The following PRDM2 variants were observed in gnomAD, a reference collection of about 807,000 sequenced individuals.
PRDM2 encodes the protein PR/SET domain 2.
PRDM2 carries 30 observed loss-of-function variants against 130.0 expected under a neutral mutation model. The observed-to-expected ratio is 0.23, with a 90% CI of 0.17 to 0.31. PRDM2 has a LOEUF of 0.31. Among genes scored for constraint, PRDM2 ranks in the 10% least tolerant of loss-of-function variants. The pLI is 1.00. For missense variants in PRDM2, 2,011 were observed against 2,108.4 expected, an observed-to-expected ratio of 0.95 and a Z score of 0.90; for synonymous variants, 871 against 782.4, an observed-to-expected ratio of 1.11 and a Z score of -1.89.
In PRDM2 at chr1:13,741,778, C is replaced by T. The variant is rs141707452; in HGVS notation, c.232-227C>T. ...TGTGTGTGTGTGTAGGGGTGGGGGG[C>T]GCGGGGCAAACAAACCTAAATAGAA... On this transcript the variant is annotated intron_variant, in intron 4 of 9. Transcript: ENST00000311066. Among the ~76,000 whole-genome samples the T allele has an allele frequency of 2.2e-3, 236 of 109,542 alleles. 5 individuals are homozygous for T. The South Asian group carries it at 0.046, about 21-fold the overall frequency. The allele number at this position is 109,542 out of a possible 152,430, so 71.9% of individuals were successfully genotyped here.
chr1:13,734,018 C>T (rs886177057), intron 4 of PRDM2, among the ~76,000 whole-genome samples: 1 of 152,190 alleles, frequency 6.6e-6, no homozygotes, highest in African/African-American at 2.4e-5. Flanking sequence ...ATGCTCTAAG[C>T]TGTTTCCCAA....
intron 5 of PRDM2, among the ~76,000 whole-genome samples, chr1:13,746,711 C>T (rs1272577287): frequency 6.6e-6 from 1 of 152,080 alleles, no homozygotes; most frequent in East Asian, 1.9e-4. Context: ...CACACACCAC[C>T]ATGCCTTGCT....
Position 13,802,197 on chromosome 1 carries a change from C to T in PRDM2, c.5037-14230C>T, listed in dbSNP as rs373852473. Among the ~76,000 whole-genome samples, 8 of 152,290 alleles carry T rather than the reference C, an allele frequency of 5.3e-5. No homozygotes were observed. In the South Asian group the frequency reaches 1.0e-3, roughly 20 times the overall value. On this transcript the variant is annotated intron_variant, in intron 8 of 9. Coordinates refer to ENST00000311066, the MANE Select transcript of PRDM2 (RefSeq NM_001393986.1). ...CATGGTGCCCTTGGCCTTTGGGCAG[C>T]GTCATCCCCGTGTTGAACAACACCC...
chr1:13,786,754 CA>C (rs1437977775), intron 8 of PRDM2: 1 of 1,389,768 alleles, frequency 7.2e-7, no homozygotes, highest in Non-Finnish European at 9.3e-7. Flanking sequence ...GATTGAGATC[CA>C]AAGAGAAGGG....
Position 13,779,899 on chromosome 1 carries a change from A to ACTC in PRDM2, c.2107_2109dup (p.Pro703dup), listed in dbSNP as rs2308040. The ACTC allele has an allele frequency of 0.44, 703,694 of 1,613,268 alleles. 157,575 individuals carry two copies. Among genetic ancestry groups the ACTC allele is most frequent in the Admixed American group, 0.64 (38,378 of 59,964 alleles). On this transcript the variant is annotated inframe_insertion, in exon 8 of 10. Coordinates refer to ENST00000311066, the MANE Select transcript of PRDM2 (RefSeq NM_001393986.1). The surrounding 1 kb of genome is among the most constrained non-coding windows in gnomAD (Gnocchi z 4.9). ...ACTTCTTCAAACCCAAGATAAACTAACTCCTGCAGGGATTTCAGCAACTGA... is the reference window on the plus strand; with the variant it reads ...ACTTCTTCAAACCCAAGATAAACTAACTCCTCCTGCAGGGATTTCAGCAACTGA...
chr1:13,730,911 A>C, intron 2 of PRDM2, 89 bp from the exon 3 acceptor site: 1 of 934,674 alleles, frequency 1.1e-6, no homozygotes, highest in South Asian at 1.6e-5. Flanking sequence ...ACATTTTTGC[A>C]TACTTGCTTA....
chr1:13,775,067 G>A (rs1279607761), intron 7 of PRDM2, among the ~76,000 whole-genome samples: 1 of 152,110 alleles, frequency 6.6e-6, no homozygotes, highest in African/African-American at 2.4e-5. Flanking sequence ...AATGTTCTGC[G>A]TTGTCCTCAG....
At chr1:13,821,926 C>A (rs934025146) in intron 9 of PRDM2, among the ~76,000 whole-genome samples, 1 of 152,218 alleles carries the variant, frequency 6.6e-6, no homozygotes, top group Non-Finnish European at 1.5e-5. Flanking sequence ...GTTCAAGTCT[C>A]ACCTCTGCTG....
At chr1:13,804,488 C>T (rs1421993455) in intron 8 of PRDM2, among the ~76,000 whole-genome samples, 1 of 152,198 alleles carries the variant, frequency 6.6e-6, no homozygotes, top group Non-Finnish European at 1.5e-5. Flanking sequence ...GCCCCATGCT[C>T]TTGCGGCGTC....
At chr1:13,766,233 G>A (rs1468414823) in intron 6 of PRDM2, among the ~76,000 whole-genome samples, 1 of 152,162 alleles carries the variant, frequency 6.6e-6, no homozygotes, top group East Asian at 1.9e-4. Flanking sequence ...AACCTAGTGT[G>A]AAAGCATGGT....
intron 4 of PRDM2, among the ~76,000 whole-genome samples, chr1:13,740,739 C>T (rs1643412787): frequency 6.6e-6 from 1 of 152,158 alleles, no homozygotes; most frequent in South Asian, 2.1e-4. Context: ...ATATGTCAGG[C>T]ATGTAGCATT....
chr1:13,822,426 C>T lies in PRDM2; in HGVS notation c.*24-733C>T, dbSNP rs1212794049. ...TTTTTTTTTTTTTGAGACAGAGTCT[C>T]GCTCTGTCTCCCAGGCTGGAGTGCA... is the stretch of plus-strand genomic sequence containing the variant. On this transcript the variant is annotated intron_variant, in intron 9 of 9. Coordinates refer to ENST00000311066, the MANE Select transcript of PRDM2 (RefSeq NM_001393986.1). 6.7e-5 allele frequency among the ~76,000 whole-genome samples: 10 copies of T among 148,632 alleles called. No individual in the cohort carries two copies. In the South Asian group the frequency reaches 1.5e-3, roughly 22 times the overall value.
At chr1:13,703,529 T>C (rs1166594313) in intron 1 of PRDM2, among the ~76,000 whole-genome samples, 1 of 152,238 alleles carries the variant, frequency 6.6e-6, no homozygotes, top group Non-Finnish European at 1.5e-5. Context: ...CCTTTCCACC[T>C]TTGGTTTTGT....
intron 6 of PRDM2, among the ~76,000 whole-genome samples, chr1:13,751,905 T>G (rs980406066): frequency 3.9e-5 from 6 of 152,120 alleles, no homozygotes. Flanking sequence ...AGCCCTGATT[T>G]CTTTATATAC....
chr1:13,776,328 GCCT>G (rs1644474620), intron 7 of PRDM2, among the ~76,000 whole-genome samples: 1 of 152,162 alleles, frequency 6.6e-6, no homozygotes, highest in Non-Finnish European at 1.5e-5. Context: ...GAATAGCTCT[GCCT>G]CCTCCGTGGA....
At chr1:13,719,178 G>C (rs1270719094) in intron 2 of PRDM2, among the ~76,000 whole-genome samples, 1 of 152,224 alleles carries the variant, frequency 6.6e-6, no homozygotes, top group African/African-American at 2.4e-5. Context: ...TACATGGTCA[G>C]AGAAGGCTAC....
chr1:13,730,631 T>C (rs892630834), intron 2 of PRDM2, among the ~76,000 whole-genome samples: 1 of 152,194 alleles, frequency 6.6e-6, no homozygotes, highest in Non-Finnish European at 1.5e-5. Context: ...ATTTTTTAAA[T>C]GTGCTAAGGT....
intron 4 of PRDM2, among the ~76,000 whole-genome samples, chr1:13,739,295 G>A (rs1002130096): frequency 2.0e-5 from 3 of 152,074 alleles, no homozygotes; most frequent in Non-Finnish European, 4.4e-5. Context: ...GATTCCTCCC[G>A]TCTCGGCCTC....
chr1:13,749,400 G>T lies in PRDM2; in HGVS notation c.424G>T (p.Gly142Trp). The T allele has an allele frequency of 6.6e-7, 1 of 1,504,872 alleles. No individual in the cohort carries two copies. Among genetic ancestry groups the T allele is most frequent in the Non-Finnish European group, 9.0e-7 (1 of 1,113,004 alleles). The allele number at this position is 1,504,872 out of a possible 1,614,324, so 93.2% of individuals were successfully genotyped here. A position where few individuals can be genotyped will look rare whatever the true frequency, so the allele number is the denominator to read the frequency against. The change falls in exon 6 of 10, where the codon GGG becomes TGG. Residue 142 changes from glycine (G) to tryptophan (W), a missense_variant. Gly to Trp is a radical substitution (Grantham distance 184). Transcript: ENST00000311066. ...CGAGGAGCTCCTGGTCTGGTACAAT[G>T]GGGAAGACAACCCTGAGATAGCAGC... Reference protein sequence around the residue: ...PGEELLVWYNGEDNPEIAAAI... With the variant: ...PGEELLVWYNWEDNPEIAAAI...
Sources: allele counts gnomAD v4.1 joint callset (sites outside exome capture counted in the v4.1 genomes callset), GRCh38; gene constraint gnomAD v4.1.1; non-coding constraint Gnocchi (gnomAD v3.1); transcripts MANE v1.5; gene names NCBI Gene and HGNC (gene_info 2026-07-23, HGNC 2026-07-21).